Variants in TSPEAR observed in about 807,000 individuals in gnomAD.
TSPEAR encodes the protein thrombospondin type laminin G domain and EAR repeats.
Under a neutral mutation model 71.6 loss-of-function variants are expected in TSPEAR, and 69 were observed. The observed-to-expected ratio is 0.96, with a 90% CI of 0.79 to 1.18. The LOEUF (loss-of-function observed/expected upper bound fraction) is 1.18. Among genes scored for constraint, TSPEAR ranks in the 50% most tolerant of loss-of-function variants. The pLI is 0.00. For missense variants in TSPEAR, 971 were observed against 894.9 expected, an observed-to-expected ratio of 1.09 and a Z score of -1.09; for synonymous variants, 402 against 387.2, an observed-to-expected ratio of 1.04 and a Z score of -0.45.
Position 44,521,343 on chromosome 21 carries a change from A to C in TSPEAR, c.1566+540T>G, listed in dbSNP as rs899769898. On this transcript the variant is annotated intron_variant, in intron 9 of 11. Coordinates refer to ENST00000323084, the MANE Select transcript of TSPEAR (RefSeq NM_144991.3). ...CTGTCCCTGCCCCTGGAGGTGGCCT[A>C]ATAAGCACCTGTTGCTGCCTCAACT... 2.6e-5 allele frequency among the ~76,000 whole-genome samples: 4 copies of C among 152,168 alleles called. No homozygotes were observed. The East Asian group carries it at 7.7e-4, about 29-fold the overall frequency.
intron 1 of TSPEAR, among the ~76,000 whole-genome samples, chr21:44,669,014 T>TGAA (rs373886218): frequency 6.6e-6 from 1 of 152,110 alleles, no homozygotes; most frequent in Non-Finnish European, 1.5e-5. Flanking sequence ...AGAATGAGAT[T>TGAA]GAAGAAGAGT....
At chr21:44,574,467 GTC>G in intron 1 of TSPEAR, 1 of 1,604,850 alleles carries the variant, frequency 6.2e-7, no homozygotes. Context: ...CTGCAAGACT[GTC>G]TGCTGCAAGC....
At chr21:44,588,472 T>A (rs1282632915) in intron 1 of TSPEAR, among the ~76,000 whole-genome samples, 1 of 151,990 alleles carries the variant, frequency 6.6e-6, no homozygotes, top group Non-Finnish European at 1.5e-5. Context: ...GTGTGGAGAT[T>A]CCTTAAAGAA....
chr21:44,627,128 C>T, intron 1 of TSPEAR: 1 of 1,591,736 alleles, frequency 6.3e-7, no homozygotes, highest in South Asian at 1.2e-5. Context: ...CACACTCACA[C>T]ACTCACTTAC....
chr21:44,547,919 A>C lies in TSPEAR; in HGVS notation c.304-13996T>G, dbSNP rs368488181. ...TCTGAGCTGGTGCCCCATCATGGGC[A>C]TGCGTGGGGGCCTTCTGGACTCCCA... On this transcript the variant is annotated intron_variant, in intron 2 of 11. Coordinates refer to ENST00000323084, the MANE Select transcript of TSPEAR (RefSeq NM_144991.3). 3.9e-5 allele frequency among the ~76,000 whole-genome samples: 6 copies of C among 152,322 alleles called. No individual in the cohort carries two copies. The South Asian group carries it at 8.3e-4, about 21-fold the overall frequency.
intron 1 of TSPEAR, chr21:44,658,481 C>A: frequency 1.7e-6 from 1 of 594,030 alleles, no homozygotes; most frequent in Non-Finnish European, 3.0e-6. Flanking sequence ...CCTTCTCTCA[C>A]TCCAGCAGGA....
chr21:44,604,373 G>A (rs587660912), intron 1 of TSPEAR, among the ~76,000 whole-genome samples: 4 of 152,026 alleles, frequency 2.6e-5, no homozygotes, highest in Non-Finnish European at 2.9e-5. Flanking sequence ...ATGGAAATAC[G>A]CAATTATAGG....
intron 1 of TSPEAR, among the ~76,000 whole-genome samples, chr21:44,589,926 C>A (rs999813398): frequency 6.6e-6 from 1 of 152,232 alleles, no homozygotes; most frequent in South Asian, 2.1e-4. Context: ...CCCGGAGAAC[C>A]AGGGCAGGAA....
At chr21:44,647,207 G>T in intron 1 of TSPEAR, 1 of 1,613,528 alleles carries the variant, frequency 6.2e-7, no homozygotes, top group African/African-American at 1.3e-5. Flanking sequence ...TCCACCTGCT[G>T]TGTGCCCGTC....
Position 44,675,898 on chromosome 21 carries a change from GC to G in TSPEAR, c.82+35534del, listed in dbSNP as rs1249063787. ...CTGGCTGTACTTGAGTGGTTCTTGT[GC>G]CTACGGCGCTGGCATATGCTGTCAG... On this transcript the variant is annotated intron_variant, in intron 1 of 11. Transcript: ENST00000323084. 14 of 745,552 alleles carry G rather than the reference GC, an allele frequency of 1.9e-5. 1 individual carries two copies. Among genetic ancestry groups the G allele is most frequent in the Admixed American group, 1.8e-4 (10 of 55,482 alleles). The allele number at this position is 745,552 out of a possible 1,614,324, so 46.2% of individuals were successfully genotyped here. A position where few individuals can be genotyped will look rare whatever the true frequency, so the allele number is the denominator to read the frequency against.
Position 44,525,705 on chromosome 21 carries a change from C to T in TSPEAR, c.1284G>A (p.Glu428=), listed in dbSNP as rs1555914839. 3 of 1,614,230 alleles carry T rather than the reference C, an allele frequency of 1.9e-6. No homozygotes were observed. The change falls in exon 8 of 12, where the codon GAG becomes GAA. Residue 428 remains glutamate, a synonymous_variant. Transcript: ENST00000323084. Reference sequence around the variant, plus strand: ...AGTGCTCCCCATCCACCTCGAAGGCCTCCCAGTCTCGGGCGCTGTGTGTGG... The same window carrying T: ...AGTGCTCCCCATCCACCTCGAAGGCTTCCCAGTCTCGGGCGCTGTGTGTGG... ...SIATHSARDW[E]AFEVDGEHFL...
chr21:44,550,733 T>C (rs782665615), intron 2 of TSPEAR: 1 of 1,613,780 alleles, frequency 6.2e-7, no homozygotes, highest in African/African-American at 1.3e-5. Flanking sequence ...TGCAGGAGGC[T>C]GGGCGGGAGC....
At chr21:44,654,300 G>A (rs1339228217) in intron 1 of TSPEAR, 5 of 1,613,918 alleles carry the variant, frequency 3.1e-6, no homozygotes, top group East Asian at 4.5e-5. Context: ...GGGTGCTCCA[G>A]GTGACAGGTC....
intron 1 of TSPEAR, among the ~76,000 whole-genome samples, chr21:44,602,438 G>A (rs1023425744): frequency 6.6e-6 from 1 of 152,252 alleles, no homozygotes; most frequent in East Asian, 1.9e-4. Flanking sequence ...CCAGCCCCTG[G>A]CTCCAGAAAG....
At chr21:44,557,295 C>G (rs1202119106) in intron 2 of TSPEAR, among the ~76,000 whole-genome samples, 14 of 152,286 alleles carry the variant, frequency 9.2e-5, no homozygotes, top group African/African-American at 3.1e-4. Flanking sequence ...CAGCTGCAAA[C>G]AGTGAAGCAC....
chr21:44,617,161 C>T (rs972458268), intron 1 of TSPEAR, among the ~76,000 whole-genome samples: 8 of 152,218 alleles, frequency 5.3e-5, no homozygotes, highest in South Asian at 4.1e-4. Flanking sequence ...ATGTTCATCT[C>T]CTCTAGCAGT....
intron 1 of TSPEAR, chr21:44,702,140 G>A (rs1410946295): frequency 1.6e-6 from 2 of 1,245,362 alleles, no homozygotes; most frequent in Admixed American, 2.2e-5. Context: ...ATGAGCACAG[G>A]GGTGGAGACT....
intron 8 of TSPEAR, among the ~76,000 whole-genome samples, chr21:44,522,961 T>TAGTC (rs587757599): frequency 5.3e-4 from 80 of 152,346 alleles, no homozygotes; most frequent in African/African-American, 1.9e-3. Flanking sequence ...GTCATTGAGG[T>TAGTC]AGTCAGTCAG....
At position 44,637,999 on chromosome 21, in the gene TSPEAR, C is replaced by T. The variant is rs782269194; in HGVS notation, c.83-69994G>A. The T allele has an allele frequency of 6.2e-6, 10 of 1,613,854 alleles. No individual in the cohort carries two copies. In the Admixed American group the frequency reaches 6.7e-5, roughly 11 times the overall value. ...CCTCCTCCTCCGTGTCCCTCCTCTG[C>T]CACCCTGTGTGCAAGTCCACCTGCT... is the stretch of plus-strand genomic sequence containing the variant. On this transcript the variant is annotated intron_variant, in intron 1 of 11. Coordinates refer to ENST00000323084, the MANE Select transcript of TSPEAR (RefSeq NM_144991.3).
Sources: gnomAD v4.1 joint callset for allele counts (sites outside exome capture counted in the v4.1 genomes callset) on GRCh38, gnomAD v4.1.1 for gene constraint, MANE v1.5 for transcripts, NCBI Gene and HGNC (gene_info 2026-07-23, HGNC 2026-07-21) for gene names.